KHDRBS3: variants seen among roughly 807,000 people sequenced by gnomAD.
KHDRBS3 encodes the protein KH domain-containing, RNA-binding, signal transduction-associated protein 3.
A neutral mutation model predicts 45.6 loss-of-function variants in KHDRBS3; 23 were observed. The observed-to-expected ratio is 0.50, with a 90% CI of 0.36 to 0.72. The LOEUF is 0.72. KHDRBS3 is among the 30% of genes least tolerant of loss of function. KHDRBS3 has a pLI of 0.00. For synonymous variants in KHDRBS3, 162 were observed against 156.5 expected (o/e 1.04, Z -0.26); for missense variants, 352 against 424.8 (o/e 0.83, Z 1.51).
intron 2 of KHDRBS3, among the ~76,000 whole-genome samples, chr8:135,533,842 C>T (rs1015001653): frequency 6.6e-6 from 1 of 152,098 alleles, no homozygotes; most frequent in Non-Finnish European, 1.5e-5. Flanking sequence ...TAAATATGTT[C>T]GGAACACTCA....
At chr8:135,479,987 G>A (rs1167673476) in intron 1 of KHDRBS3, among the ~76,000 whole-genome samples, 1 of 152,156 alleles carries the variant, frequency 6.6e-6, no homozygotes, top group Non-Finnish European at 1.5e-5. Context: ...ATTTATCCTA[G>A]GAATGCAAGG....
At chr8:135,594,624 G>A (rs1158822218) in intron 6 of KHDRBS3, among the ~76,000 whole-genome samples, 1 of 152,180 alleles carries the variant, frequency 6.6e-6, no homozygotes, top group African/African-American at 2.4e-5. Context: ...GTTTACCAAT[G>A]TAGCTCAATC....
chr8:135,517,536 A>T (rs1824673562), intron 1 of KHDRBS3, among the ~76,000 whole-genome samples: 1 of 152,084 alleles, frequency 6.6e-6, no homozygotes, highest in South Asian at 2.1e-4. Flanking sequence ...CATTTTATGT[A>T]TTTCTGGATT....
intron 1 of KHDRBS3, among the ~76,000 whole-genome samples, chr8:135,461,730 C>G (rs543006696): frequency 6.6e-6 from 1 of 152,290 alleles, no homozygotes; most frequent in South Asian, 2.1e-4. Flanking sequence ...TTACATAACA[C>G]TGTATTTTTA....
chr8:135,634,336 G>A (rs545019346), intron 7 of KHDRBS3, among the ~76,000 whole-genome samples: 8 of 152,244 alleles, frequency 5.3e-5, no homozygotes, highest in African/African-American at 1.9e-4. Flanking sequence ...TAACAGTCAG[G>A]TTCACAATAT....
At chr8:135,557,934 C>T (rs1388776917) in intron 5 of KHDRBS3, among the ~76,000 whole-genome samples, 1 of 152,104 alleles carries the variant, frequency 6.6e-6, no homozygotes, top group East Asian at 1.9e-4. Flanking sequence ...TTAAATATAA[C>T]CTGTGACACT....
chr8:135,512,737 T>TGTTA (rs1824367392), intron 1 of KHDRBS3, among the ~76,000 whole-genome samples: 2 of 152,208 alleles, frequency 1.3e-5, no homozygotes, highest in South Asian at 4.1e-4. Context: ...ATAACAAAAA[T>TGTTA]GAATAAATAG....
intron 5 of KHDRBS3, among the ~76,000 whole-genome samples, chr8:135,565,439 C>G (rs1049292649): frequency 1.3e-5 from 2 of 152,160 alleles, no homozygotes; most frequent in Non-Finnish European, 2.9e-5. Context: ...TTTGAAAACT[C>G]TAGAATTTGC....
intron 1 of KHDRBS3, among the ~76,000 whole-genome samples, chr8:135,463,340 T>C (rs1027814523): frequency 2.6e-5 from 4 of 152,144 alleles, no homozygotes; most frequent in Admixed American, 6.5e-5. Flanking sequence ...TTCTTACAGC[T>C]TTAGAGGACC....
At chr8:135,649,615 T>G (rs968494020), downstream of KHDRBS3, among the ~76,000 whole-genome samples, 4 of 152,200 alleles carry the variant, frequency 2.6e-5, no homozygotes, top group African/African-American at 9.6e-5. Flanking sequence ...TTGTTGTTGT[T>G]CGTTTTTCTC....
intron 1 of KHDRBS3, among the ~76,000 whole-genome samples, chr8:135,496,217 T>A (rs1306437691): frequency 1.3e-5 from 2 of 150,138 alleles, no homozygotes; most frequent in Non-Finnish European, 3.0e-5. Context: ...AGATAATCAG[T>A]GACGAAGAAA....
At chr8:135,646,873 AG>A in intron 8 of KHDRBS3, 119 bp from the exon 9 acceptor site, 1 of 591,090 alleles carries the variant, frequency 1.7e-6, no homozygotes, top group Non-Finnish European at 3.1e-6. Context: ...TCAGTACACC[AG>A]GGGTATATAT....
intron 1 of KHDRBS3, among the ~76,000 whole-genome samples, chr8:135,465,430 C>T (rs1205559240): frequency 6.6e-6 from 1 of 152,162 alleles, no homozygotes; most frequent in African/African-American, 2.4e-5. Flanking sequence ...AAATCATCTA[C>T]TTTCATTTCT....
intron 2 of KHDRBS3, among the ~76,000 whole-genome samples, chr8:135,536,095 C>T (rs1457314075): frequency 6.6e-6 from 1 of 151,652 alleles, no homozygotes; most frequent in Non-Finnish European, 1.5e-5. Context: ...GTTTCCAGGG[C>T]TCCATACTCT....
chr8:135,597,718 C>T (rs1282301145), intron 6 of KHDRBS3, among the ~76,000 whole-genome samples: 1 of 152,178 alleles, frequency 6.6e-6, no homozygotes, highest in Non-Finnish European at 1.5e-5. Flanking sequence ...TCAACAACAT[C>T]TGCTTCCCAG....
chr8:135,521,455 C>G, intron 2 of KHDRBS3, 100 bp downstream of exon 2: 2 of 678,036 alleles, frequency 2.9e-6, no homozygotes, highest in Non-Finnish European at 5.2e-6. Flanking sequence ...GATGTTTTCT[C>G]TTAGCATCCC....
At chr8:135,504,698 A>G (rs1038666562) in intron 1 of KHDRBS3, among the ~76,000 whole-genome samples, 2 of 152,238 alleles carry the variant, frequency 1.3e-5, no homozygotes, top group Non-Finnish European at 2.9e-5. Context: ...ATGCTTCTCA[A>G]GGTAAACATC....
At chr8:135,628,233 C>T (rs1830455933) in intron 7 of KHDRBS3, among the ~76,000 whole-genome samples, 1 of 152,128 alleles carries the variant, frequency 6.6e-6, no homozygotes, top group Admixed American at 6.5e-5. Flanking sequence ...CCGGTTGACA[C>T]TTGTCTCACT....
At chr8:135,496,872 A>G (rs1163323479) in intron 1 of KHDRBS3, among the ~76,000 whole-genome samples, 4 of 152,202 alleles carry the variant, frequency 2.6e-5, no homozygotes, top group African/African-American at 9.7e-5. Context: ...GCTTGCCCGT[A>G]GCTTGCCCAT....
Sources: gnomAD v4.1 joint callset for allele counts (sites outside exome capture counted in the v4.1 genomes callset) on GRCh38, gnomAD v4.1.1 for gene constraint, MANE v1.5 for transcripts, NCBI Gene and HGNC (gene_info 2026-07-23, HGNC 2026-07-21) for gene names.